Variants in ARHGAP5 observed in about 807,000 individuals in gnomAD.
ARHGAP5 encodes the protein Rho GTPase activating protein 5.
A neutral mutation model predicts 116.6 loss-of-function variants in ARHGAP5; 23 were observed. The ratio of observed to expected loss-of-function variants is 0.20; its 90% confidence interval spans 0.14 to 0.28. The LOEUF is 0.28. Ranked by LOEUF, ARHGAP5 falls within the 10% of genes least tolerant of loss-of-function variation. The probability of loss-of-function intolerance (pLI) is 1.00; values close to 1 mark genes in which losing one functional copy is unlikely to be tolerated. For missense variants in ARHGAP5, 1,405 were observed against 1,774.8 expected (o/e 0.79, Z 3.74); for synonymous variants, 574 against 602.0 (o/e 0.95, Z 0.68).
intron 4 of ARHGAP5, among the ~76,000 whole-genome samples, chr14:32,148,838 G>A (rs1408917908): frequency 2.0e-5 from 3 of 152,044 alleles, no homozygotes; most frequent in African/African-American, 7.2e-5. Context: ...TTATATTAAA[G>A]TGATTTACTG....
chr14:32,130,782 C>T (rs1036383591), intron 3 of ARHGAP5, among the ~76,000 whole-genome samples: 5 of 152,158 alleles, frequency 3.3e-5, no homozygotes, highest in Non-Finnish European at 5.9e-5. Flanking sequence ...CCACCTGCCT[C>T]GGCCTCCCAA....
chr14:32,147,715 A>C (rs1341505628), intron 4 of ARHGAP5, among the ~76,000 whole-genome samples: 1 of 152,216 alleles, frequency 6.6e-6, no homozygotes, highest in Non-Finnish European at 1.5e-5. Flanking sequence ...TAGAATGAAT[A>C]CCAAGAAGCC....
intron 3 of ARHGAP5, among the ~76,000 whole-genome samples, chr14:32,142,374 C>G (rs1368675371): frequency 6.6e-6 from 1 of 152,112 alleles, no homozygotes; most frequent in Non-Finnish European, 1.5e-5. Flanking sequence ...AAATGAAATT[C>G]TTTCCCCTCA....
chr14:32,144,873 A>G (rs953914635), intron 3 of ARHGAP5, among the ~76,000 whole-genome samples: 2 of 152,210 alleles, frequency 1.3e-5, no homozygotes, highest in African/African-American at 4.8e-5. Flanking sequence ...GTAATTGCAC[A>G]TTGTATAATA....
At chr14:32,108,496 AATAGAGTAGGGTT>A (rs1879123419) in intron 2 of ARHGAP5, among the ~76,000 whole-genome samples, 1 of 151,956 alleles carries the variant, frequency 6.6e-6, no homozygotes, top group African/African-American at 2.4e-5. Context: ...GAAAAGATGA[AATAGAGTAGGGTT>A]ATAGTTAGAT....
At chr14:32,147,175 T>C (rs960866384) in intron 4 of ARHGAP5, among the ~76,000 whole-genome samples, 1 of 152,162 alleles carries the variant, frequency 6.6e-6, no homozygotes, top group African/African-American at 2.4e-5. Flanking sequence ...CCATAAGTAC[T>C]AGGGAGAAAA....
At chr14:32,095,960 C>T (rs1196292828) in intron 2 of ARHGAP5, among the ~76,000 whole-genome samples, 1 of 151,016 alleles carries the variant, frequency 6.6e-6, no homozygotes, top group Non-Finnish European at 1.5e-5. Flanking sequence ...CATTTTTGTT[C>T]ACAAGCCTAA....
chr14:32,124,480 G>A (rs1237420034), intron 3 of ARHGAP5, among the ~76,000 whole-genome samples: 3 of 152,092 alleles, frequency 2.0e-5, no homozygotes, highest in African/African-American at 7.2e-5. Flanking sequence ...AGACAAAAAG[G>A]GATAGTGCAG....
chr14:32,109,031 G>C (rs972184450), intron 2 of ARHGAP5, among the ~76,000 whole-genome samples: 14 of 152,196 alleles, frequency 9.2e-5, no homozygotes, highest in African/African-American at 3.4e-4. Flanking sequence ...TTGAATTCTA[G>C]ATCATTGTCA....
At chr14:32,119,823 C>A (rs1479747522) in intron 3 of ARHGAP5, among the ~76,000 whole-genome samples, 3 of 152,068 alleles carry the variant, frequency 2.0e-5, no homozygotes, top group Admixed American at 2.0e-4. Flanking sequence ...AACCTTACAT[C>A]CCTGGGATAA....
Position 32,141,516 on chromosome 14 carries a change from C to G in ARHGAP5, c.3866-4747C>G, listed in dbSNP as rs151008106. ...ATGTACTTCTAAAATCATACCAGGA[C>G]AAAAAGGAGTTATAAATCAAAAATG... On this transcript the variant is annotated intron_variant, in intron 3 of 6. Transcript: ENST00000345122. Among the ~76,000 whole-genome samples, 36 of 152,180 alleles carry G rather than the reference C, an allele frequency of 2.4e-4. 1 individual carries two copies. In the East Asian group the frequency reaches 6.4e-3, roughly 27 times the overall value.
At chr14:32,077,517 C>A in intron 1 of ARHGAP5, 82 bp downstream of exon 1, 1 of 647,864 alleles carries the variant, frequency 1.5e-6, no homozygotes, top group Non-Finnish European at 2.8e-6. Context: ...CTGCCCCGCT[C>A]GGTCGCCGCT....
Position 32,092,085 on chromosome 14 carries a change from A to C in ARHGAP5, c.1416A>C (p.Lys472Asn). 1 of 1,613,894 alleles carries C rather than the reference A, an allele frequency of 6.2e-7. No homozygotes were observed. The highest frequency in any genetic ancestry group is 8.5e-7 in the Non-Finnish European group (1 of 1,179,826). ...AYKYITEADS[K>N]EVYGRHQREI... ...AATATATCACTGAGGCTGATAGCAA[A>C]GAGGTATATGGTAGGCATCAGCGAG... Residue 472 changes from lysine to asparagine, a missense_variant, in exon 2 of 7, where the codon AAA becomes AAC. Lys to Asn is a moderately conservative substitution (Grantham distance 94). Around this residue, in one of 6 missense-constraint regions of ARHGAP5, gnomAD observed 944 missense variants for 1,095.3 expected, o/e 0.86. Coordinates refer to ENST00000345122, the MANE Select transcript of ARHGAP5 (RefSeq NM_001030055.2). This position sits in a 1 kb window ranked among gnomAD's most constrained non-coding sequence, Gnocchi z 4.1.
intron 3 of ARHGAP5, among the ~76,000 whole-genome samples, chr14:32,144,247 C>T (rs938767989): frequency 6.6e-6 from 1 of 152,032 alleles, no homozygotes; most frequent in Non-Finnish European, 1.5e-5. Context: ...TTCACAAAGT[C>T]AGGATAAATG....
At position 32,146,263 on chromosome 14, in the gene ARHGAP5, G is replaced by A. The variant is rs1396228184; in HGVS notation, c.3866G>A (p.Gly1289Glu). Residue 1289 changes from glycine (G) to glutamate (E), a missense_variant and splice_region_variant, in exon 4 of 7, where the codon GGG becomes GAG. Transcript: ENST00000345122. Reference protein sequence around the residue: ...EKCVEFIEDTGLCTEGLYRVS... With the variant: ...EKCVEFIEDTELCTEGLYRVS... Reference sequence around the variant, plus strand: ...TATGCATATTTCTTTATTCTCTTAGGGTTATGTACCGAAGGACTCTACCGT... The same window carrying A: ...TATGCATATTTCTTTATTCTCTTAGAGTTATGTACCGAAGGACTCTACCGT... 6.2e-7 allele frequency: 1 copy of A among 1,606,420 alleles called. No individual in the cohort carries two copies. The highest frequency in any genetic ancestry group is 1.1e-5 in the South Asian group (1 of 90,884).
chr14:32,121,013 CTTT>C (rs56377207), intron 3 of ARHGAP5, among the ~76,000 whole-genome samples: 3 of 104,964 alleles, frequency 2.9e-5, no homozygotes, highest in South Asian at 3.4e-4. Flanking sequence ...AGGATTATGT[CTTT>C]TTTTTTTTTT....
intron 2 of ARHGAP5, among the ~76,000 whole-genome samples, chr14:32,103,298 C>T (rs1317505649): frequency 1.3e-5 from 2 of 152,116 alleles, no homozygotes; most frequent in African/African-American, 2.4e-5. Flanking sequence ...TGATTTATTG[C>T]TTTTCAAATT....
intron 3 of ARHGAP5, among the ~76,000 whole-genome samples, chr14:32,120,009 A>G (rs1594370177): frequency 6.6e-6 from 1 of 152,110 alleles, no homozygotes; most frequent in African/African-American, 2.4e-5. Context: ...ATTTTCTGGA[A>G]GAGTTTATGT....
chr14:32,080,813 AC>A (rs1382107654), intron 1 of ARHGAP5, among the ~76,000 whole-genome samples: 1 of 152,118 alleles, frequency 6.6e-6, no homozygotes, highest in Non-Finnish European at 1.5e-5. Context: ...GAAGCTGTCT[AC>A]AGTACTTTAG....
Sources: gnomAD v4.1 joint callset for allele counts (sites outside exome capture counted in the v4.1 genomes callset) on GRCh38, gnomAD v4.1.1 for gene constraint, gnomAD v4.1.1 regional missense constraint, Gnocchi (gnomAD v3.1) non-coding constraint, MANE v1.5 for transcripts, NCBI Gene and HGNC (gene_info 2026-07-23, HGNC 2026-07-21) for gene names.